PDE8A: variants seen among roughly 807,000 people sequenced by gnomAD.
PDE8A encodes the protein high affinity cAMP-specific and IBMX-insensitive 3',5'-cyclic phosphodiesterase 8A.
Under a neutral mutation model 105.0 loss-of-function variants are expected in PDE8A, and 59 were observed. That is an observed-to-expected ratio of 0.56 (90% confidence interval 0.46 to 0.70). The LOEUF is 0.70. PDE8A is among the 30% of genes least tolerant of loss of function. The probability of loss-of-function intolerance (pLI) is 0.00; values close to 1 mark genes in which losing one functional copy is unlikely to be tolerated. For missense variants in PDE8A, 1,014 were observed against 1,045.9 expected, an observed-to-expected ratio of 0.97 and a Z score of 0.42; for synonymous variants, 355 against 371.9, an observed-to-expected ratio of 0.95 and a Z score of 0.52.
chr15:85,057,427 G>T (rs1347656221), intron 1 of PDE8A, among the ~76,000 whole-genome samples: 1 of 152,234 alleles, frequency 6.6e-6, no homozygotes, highest in Admixed American at 6.5e-5. Context: ...ATAGAGGCAG[G>T]CAGGCCTCCT....
chr15:85,071,773 C>A (rs773203293), intron 3 of PDE8A, among the ~76,000 whole-genome samples: 2 of 152,066 alleles, frequency 1.3e-5, no homozygotes, highest in African/African-American at 4.8e-5. Flanking sequence ...TGCATAGATG[C>A]GAATTGCATT....
At chr15:85,062,119 G>GT (rs1301493951) in intron 1 of PDE8A, among the ~76,000 whole-genome samples, 1 of 151,842 alleles carries the variant, frequency 6.6e-6, no homozygotes, top group Non-Finnish European at 1.5e-5. Flanking sequence ...TGTTGATTTA[G>GT]TTTTTTTCAT....
intron 2 of PDE8A, among the ~76,000 whole-genome samples, chr15:85,065,405 C>T (rs1210232577): frequency 4.7e-5 from 7 of 149,672 alleles, no homozygotes; most frequent in South Asian, 4.2e-4. Context: ...GTGGGTGCAG[C>T]GCACCAGCAT....
rs574006617 is a variant in PDE8A, at chr15:84,991,867, G to C, written c.186+9519G>C. Reference sequence around the variant, plus strand: ...ATTCTTTTTATTTAAAGATTGATAGGCTGGGAGTGGTGGCTCACACCTGTA... The same window carrying C: ...ATTCTTTTTATTTAAAGATTGATAGCCTGGGAGTGGTGGCTCACACCTGTA... On this transcript the variant is annotated intron_variant, in intron 1 of 21. Transcript: ENST00000394553. 2.6e-4 allele frequency among the ~76,000 whole-genome samples: 40 copies of C among 152,228 alleles called. No individual in the cohort carries two copies. The East Asian group carries it at 7.5e-3, about 29-fold the overall frequency.
At chr15:85,101,917 T>G (rs1018970777) in intron 11 of PDE8A, among the ~76,000 whole-genome samples, 4 of 152,204 alleles carry the variant, frequency 2.6e-5, no homozygotes, top group South Asian at 2.1e-4. Context: ...CAGGTGGGTT[T>G]GTTTGTTCAC....
At chr15:85,113,298 G>C in intron 12 of PDE8A, 79 bp from the exon 13 acceptor site, 8 of 1,150,202 alleles carry the variant, frequency 7.0e-6, no homozygotes, top group Non-Finnish European at 1.1e-5. Context: ...TCATGCAGCC[G>C]AGCACACTGA....
chr15:85,064,682 G>A (rs765418190), intron 2 of PDE8A, among the ~76,000 whole-genome samples: 25 of 152,140 alleles, frequency 1.6e-4, no homozygotes, highest in African/African-American at 3.6e-4. Flanking sequence ...GGTCAGGCAC[G>A]GTGGCTCATG....
chr15:85,061,358 T>C (rs943949575), intron 1 of PDE8A, among the ~76,000 whole-genome samples: 25 of 152,070 alleles, frequency 1.6e-4, no homozygotes, highest in Admixed American at 4.6e-4. Flanking sequence ...CTCAGCCTCC[T>C]GAGTAGCTGG....
intron 3 of PDE8A, among the ~76,000 whole-genome samples, chr15:85,073,488 G>A (rs1405418757): frequency 6.6e-6 from 1 of 152,138 alleles, no homozygotes; most frequent in Non-Finnish European, 1.5e-5. Flanking sequence ...TCTCATTCTT[G>A]TGTCTCCAGA....
chr15:85,086,851 A>G, intron 6 of PDE8A, among the ~76,000 whole-genome samples: 1 of 151,914 alleles, frequency 6.6e-6, no homozygotes, highest in Middle Eastern at 3.2e-3. Context: ...CCCAGGTTCA[A>G]GCGATTCTCC....
chr15:85,051,698 T>TA (rs772290978), intron 1 of PDE8A, among the ~76,000 whole-genome samples: 4 of 152,124 alleles, frequency 2.6e-5, no homozygotes, highest in Non-Finnish European at 5.9e-5. Context: ...AGCTCCTGCT[T>TA]AGAGAACACA....
chr15:85,066,583 AACAC>A (rs57124766), intron 2 of PDE8A, among the ~76,000 whole-genome samples: 4,744 of 116,614 alleles, frequency 0.041, 167 homozygotes, highest in Non-Finnish European at 0.055. Flanking sequence ...ATCCCCCCAA[AACAC>A]ACACACACAC....
intron 1 of PDE8A, among the ~76,000 whole-genome samples, chr15:84,988,945 C>G (rs1376931779): frequency 6.6e-6 from 1 of 152,230 alleles, no homozygotes; most frequent in African/African-American, 2.4e-5. Context: ...TTCCACGAGT[C>G]TATCTCACCT....
chr15:85,001,596 C>G (rs1189977647), intron 1 of PDE8A, among the ~76,000 whole-genome samples: 1 of 152,004 alleles, frequency 6.6e-6, no homozygotes, highest in African/African-American at 2.4e-5. Flanking sequence ...ACTGGGTATC[C>G]TTGTTGAACT....
chr15:85,121,792 CTAGTCCTAGA>C (rs1384498005), intron 18 of PDE8A, among the ~76,000 whole-genome samples: 1 of 152,172 alleles, frequency 6.6e-6, no homozygotes, highest in Non-Finnish European at 1.5e-5. Context: ...CTCAACTCCC[CTAGTCCTAGA>C]CAACTACTGT....
chr15:85,113,181 C>T (rs2082044076), intron 12 of PDE8A, among the ~76,000 whole-genome samples, 196 bp from the exon 13 acceptor site: 1 of 152,170 alleles, frequency 6.6e-6, no homozygotes, highest in Non-Finnish European at 1.5e-5. Flanking sequence ...GGCATATGTG[C>T]ATTCTAGTGC....
intron 8 of PDE8A, among the ~76,000 whole-genome samples, chr15:85,095,632 C>T (rs2081734358): frequency 1.3e-5 from 2 of 152,160 alleles, no homozygotes; most frequent in South Asian, 4.1e-4. Context: ...GCGTGAGCCA[C>T]TGTGCCCAGC....
chr15:85,094,253 A>G (rs2081702586), intron 8 of PDE8A, among the ~76,000 whole-genome samples: 2 of 152,014 alleles, frequency 1.3e-5, no homozygotes, highest in African/African-American at 4.8e-5. Flanking sequence ...AATGGTGGCT[A>G]CTTAGATGCC....
intron 8 of PDE8A, 104 bp from the exon 9 acceptor site, chr15:85,097,844 C>A: frequency 1.5e-6 from 1 of 668,588 alleles, no homozygotes; most frequent in Non-Finnish European, 2.7e-6. Flanking sequence ...CATTTTTTAT[C>A]TTAATTGCTT....
Sources: allele counts gnomAD v4.1 joint callset (sites outside exome capture counted in the v4.1 genomes callset), GRCh38; gene constraint gnomAD v4.1.1; transcripts MANE v1.5; gene names NCBI Gene and HGNC (gene_info 2026-07-23, HGNC 2026-07-21).